PTPRD: variants seen among roughly 807,000 people sequenced by gnomAD.
The protein encoded by PTPRD is protein tyrosine phosphatase receptor type D.
A neutral mutation model predicts 214.5 loss-of-function variants in PTPRD; 34 were observed. The observed-to-expected ratio is 0.16, with a 90% CI of 0.12 to 0.21. The LOEUF is 0.21. Among genes scored for constraint, PTPRD ranks in the 10% least tolerant of loss-of-function variants. PTPRD has a pLI of 1.00. For missense variants in PTPRD, 2,545 were observed against 2,398.7 expected, an observed-to-expected ratio of 1.06 and a Z score of -1.27; for synonymous variants, 1,128 against 845.7, an observed-to-expected ratio of 1.33 and a Z score of -5.79.
At chr9:10,598,905 T>C (rs1449942662) in intron 2 of PTPRD, among the ~76,000 whole-genome samples, 2 of 151,446 alleles carry the variant, frequency 1.3e-5, no homozygotes, top group African/African-American at 2.4e-5. Context: ...GAGGAGTAAA[T>C]AGGTAAAACA....
intron 43 of PTPRD, among the ~76,000 whole-genome samples, chr9:8,332,606 AC>A (rs1842566741): frequency 1.3e-5 from 2 of 151,910 alleles, no homozygotes; most frequent in Non-Finnish European, 2.9e-5. Context: ...AACTGCTCTG[AC>A]TCACGAAGTA....
At chr9:9,856,255 G>A (rs950578243) in intron 5 of PTPRD, among the ~76,000 whole-genome samples, 1 of 152,130 alleles carries the variant, frequency 6.6e-6, no homozygotes, top group Non-Finnish European at 1.5e-5. Flanking sequence ...GATGAGCTTA[G>A]GGTCTTTATA....
chr9:9,730,438 T>C (rs1007273542), intron 7 of PTPRD, among the ~76,000 whole-genome samples: 3 of 152,096 alleles, frequency 2.0e-5, no homozygotes, highest in East Asian at 1.9e-4. Flanking sequence ...TTTACAGGTA[T>C]AAAAGATATG....
chr9:10,484,048 T>C (rs1453567722), intron 2 of PTPRD, among the ~76,000 whole-genome samples: 6 of 151,972 alleles, frequency 3.9e-5, no homozygotes, highest in East Asian at 1.9e-4. Flanking sequence ...TGAATGAATA[T>C]AGAAAATGCG....
intron 9 of PTPRD, among the ~76,000 whole-genome samples, chr9:9,204,498 T>A (rs1328801117): frequency 1.3e-5 from 2 of 152,154 alleles, no homozygotes; most frequent in Non-Finnish European, 2.9e-5. Context: ...CCTCTAAGCA[T>A]TACCGGGTTC....
chr9:10,364,301 T>C (rs1436055343), intron 2 of PTPRD, among the ~76,000 whole-genome samples: 3 of 152,120 alleles, frequency 2.0e-5, no homozygotes, highest in East Asian at 3.9e-4. Flanking sequence ...ACTCCCAGTC[T>C]ATTACCTCCA....
intron 5 of PTPRD, among the ~76,000 whole-genome samples, chr9:9,806,290 C>G (rs2099072668): frequency 1.3e-5 from 2 of 152,036 alleles, no homozygotes; most frequent in African/African-American, 4.8e-5. Flanking sequence ...AAAAGGCAGT[C>G]TCCCGATACA....
rs376848754 is a variant in PTPRD at position 9,625,890 on chromosome 9, G to C, written c.-286-51109C>G. Among the ~76,000 whole-genome samples the C allele has an allele frequency of 3.9e-5, 6 of 152,172 alleles. No homozygotes were observed. The East Asian group carries it at 9.7e-4, about 24-fold the overall frequency. ...AGACATTGGTAGAGGTTTTTCTCTA[G>C]AGCAGGAGTCAGCAGACTTTATCTG... On this transcript the variant is annotated intron_variant, in intron 7 of 45. Coordinates refer to ENST00000381196, the MANE Select transcript of PTPRD (RefSeq NM_002839.4).
intron 11 of PTPRD, among the ~76,000 whole-genome samples, chr9:8,953,594 G>A (rs2099115298): frequency 6.6e-6 from 1 of 151,834 alleles, no homozygotes; most frequent in Non-Finnish European, 1.5e-5. Flanking sequence ...CACAAACTAT[G>A]CATCTCTTCA....
chr9:10,560,940 A>T (rs75252917), intron 2 of PTPRD, among the ~76,000 whole-genome samples: 4,671 of 152,266 alleles, frequency 0.031, 247 homozygotes, highest in African/African-American at 0.11. Context: ...TTAACCTAGA[A>T]GAAGTGTGAT....
rs934453629 is a variant in PTPRD, at chr9:10,518,732, C to T, written c.-600+93666G>A. ...TATTTTTAGTACAGACAGGGTTTTA[C>T]CGTGTTAGCCAAGATGGTCTTGATC... On this transcript the variant is annotated intron_variant, in intron 2 of 45. Coordinates refer to ENST00000381196, the MANE Select transcript of PTPRD (RefSeq NM_002839.4). 7.9e-5 allele frequency among the ~76,000 whole-genome samples: 12 copies of T among 151,482 alleles called. No individual in the cohort carries two copies. The East Asian group carries it at 1.4e-3, about 17-fold the overall frequency.
intron 2 of PTPRD, among the ~76,000 whole-genome samples, chr9:10,535,756 CTG>C (rs1042587440): frequency 6.6e-6 from 1 of 152,118 alleles, no homozygotes; most frequent in Admixed American, 6.6e-5. Context: ...TCTCATGAAA[CTG>C]TGCACAGCAA....
chr9:9,464,347 A>G (rs1404376370), intron 8 of PTPRD, among the ~76,000 whole-genome samples: 1 of 152,178 alleles, frequency 6.6e-6, no homozygotes, highest in African/African-American at 2.4e-5. Flanking sequence ...TAGTAAAAGT[A>G]TAAATAGTGA....
At chr9:8,478,705 G>A (rs1261450108) in intron 30 of PTPRD, among the ~76,000 whole-genome samples, 2 of 152,176 alleles carry the variant, frequency 1.3e-5, no homozygotes, top group African/African-American at 4.8e-5. Flanking sequence ...ACCAGAACTT[G>A]CAGTATCCTT....
chr9:9,220,167 A>T (rs1481008663), intron 9 of PTPRD, among the ~76,000 whole-genome samples: 1 of 152,076 alleles, frequency 6.6e-6, no homozygotes, highest in Non-Finnish European at 1.5e-5. Flanking sequence ...AGGACTACCT[A>T]AACTCATGCC....
chr9:9,629,056 C>G (rs907008725), intron 7 of PTPRD, among the ~76,000 whole-genome samples: 1 of 151,650 alleles, frequency 6.6e-6, no homozygotes, highest in Admixed American at 6.6e-5. Flanking sequence ...CACCTGTAAT[C>G]CCAGCTACTC....
intron 35 of PTPRD, among the ~76,000 whole-genome samples, chr9:8,420,199 G>C (rs947268392): frequency 6.6e-6 from 1 of 152,010 alleles, no homozygotes; most frequent in Non-Finnish European, 1.5e-5. Context: ...CAGAATTCAA[G>C]GGCAAAATTT....
At chr9:9,165,705 C>T (rs560463732) in intron 10 of PTPRD, among the ~76,000 whole-genome samples, 68 of 151,944 alleles carry the variant, frequency 4.5e-4, no homozygotes, top group Non-Finnish European at 8.8e-4. Flanking sequence ...GTACATTTCA[C>T]GGGGGGCCAC....
At chr9:9,492,750 A>G (rs2095974779) in intron 8 of PTPRD, among the ~76,000 whole-genome samples, 1 of 151,482 alleles carries the variant, frequency 6.6e-6, no homozygotes, top group Non-Finnish European at 1.5e-5. Context: ...GAGGTTTATG[A>G]CAACCCTGAG....
Sources: allele counts gnomAD v4.1 joint callset (sites outside exome capture counted in the v4.1 genomes callset), GRCh38; gene constraint gnomAD v4.1.1; transcripts MANE v1.5; gene names NCBI Gene and HGNC (gene_info 2026-07-23, HGNC 2026-07-21).